Variants in HS6ST3 observed in about 807,000 individuals in gnomAD.
HS6ST3 encodes heparan sulfate 6-O-sulfotransferase 3.
A neutral mutation model predicts 36.7 loss-of-function variants in HS6ST3; 12 were observed. That is an observed-to-expected ratio of 0.33 (90% CI 0.21 to 0.53). The LOEUF (loss-of-function observed/expected upper bound fraction) is 0.53. Among genes scored for constraint, HS6ST3 ranks in the 20% least tolerant of loss-of-function variants. The probability of loss-of-function intolerance (pLI) is 0.95; values close to 1 mark genes in which losing one functional copy is unlikely to be tolerated. For missense variants in HS6ST3, 584 were observed against 640.9 expected (o/e 0.91, Z 0.96); for synonymous variants, 240 against 257.5 (o/e 0.93, Z 0.65).
At chr13:96,506,468 G>A (rs1347694739) in intron 1 of HS6ST3, among the ~76,000 whole-genome samples, 1 of 152,146 alleles carries the variant, frequency 6.6e-6, no homozygotes, top group African/African-American at 2.4e-5. Flanking sequence ...TCCCATGAAG[G>A]CTGCCTCTGC....
At chr13:96,627,267 T>C (rs777024208) in intron 1 of HS6ST3, among the ~76,000 whole-genome samples, 11 of 152,186 alleles carry the variant, frequency 7.2e-5, no homozygotes, top group Non-Finnish European at 1.6e-4. Flanking sequence ...AACCAATGCT[T>C]TTGTGCATCT....
intron 1 of HS6ST3, among the ~76,000 whole-genome samples, chr13:96,305,633 G>A (rs1423981614): frequency 6.6e-6 from 1 of 151,620 alleles, no homozygotes; most frequent in African/African-American, 2.4e-5. Flanking sequence ...TCTAATACTG[G>A]GTCTTATGTA....
At chr13:96,640,118 G>A (rs752348159) in intron 1 of HS6ST3, among the ~76,000 whole-genome samples, 3 of 151,852 alleles carry the variant, frequency 2.0e-5, no homozygotes, top group Non-Finnish European at 4.4e-5. Flanking sequence ...TGGTAGTTGT[G>A]TTTTAAGTTC....
At chr13:96,143,388 C>T (rs1163042529) in intron 1 of HS6ST3, among the ~76,000 whole-genome samples, 1 of 148,668 alleles carries the variant, frequency 6.7e-6, no homozygotes, top group East Asian at 1.9e-4. Flanking sequence ...AATATATAAA[C>T]ATAATATACT....
At chr13:96,725,077 G>C (rs1239653192) in intron 1 of HS6ST3, among the ~76,000 whole-genome samples, 1 of 152,180 alleles carries the variant, frequency 6.6e-6, no homozygotes, top group African/African-American at 2.4e-5. Flanking sequence ...CTATCTAAGA[G>C]AAGTTTAGCA....
intron 1 of HS6ST3, among the ~76,000 whole-genome samples, chr13:96,098,081 G>A (rs1462827987): frequency 6.6e-6 from 1 of 152,142 alleles, no homozygotes; most frequent in African/African-American, 2.4e-5. Context: ...TGGACTTATT[G>A]GACTTATTGG....
chr13:96,458,016 T>G (rs1199695733), intron 1 of HS6ST3, among the ~76,000 whole-genome samples: 3 of 152,138 alleles, frequency 2.0e-5, no homozygotes, highest in African/African-American at 4.8e-5. Context: ...TAGTATTGCA[T>G]GTAGTTTTAG....
At chr13:96,518,238 C>G (rs1403134401) in intron 1 of HS6ST3, among the ~76,000 whole-genome samples, 1 of 152,092 alleles carries the variant, frequency 6.6e-6, no homozygotes, top group Non-Finnish European at 1.5e-5. Context: ...CAATGAGATC[C>G]AGAACATTCT....
intron 1 of HS6ST3, among the ~76,000 whole-genome samples, chr13:96,428,773 GCA>G (rs1491042636): frequency 1.6e-3 from 248 of 152,298 alleles, no homozygotes; most frequent in African/African-American, 5.8e-3. Flanking sequence ...AACCAGGAAT[GCA>G]AGTGCTCTGC....
chr13:96,790,940 T>C (rs1418417556), intron 1 of HS6ST3, among the ~76,000 whole-genome samples: 1 of 152,078 alleles, frequency 6.6e-6, no homozygotes, highest in Non-Finnish European at 1.5e-5. Context: ...TGTAATAAAA[T>C]TCTTTAGTGT....
At chr13:96,633,165 G>A (rs2056537723) in intron 1 of HS6ST3, among the ~76,000 whole-genome samples, 2 of 152,164 alleles carry the variant, frequency 1.3e-5, no homozygotes, top group African/African-American at 2.4e-5. Flanking sequence ...GGGTGTGCAC[G>A]TCAGCAGGGA....
chr13:96,763,645 T>C (rs1824149618), intron 1 of HS6ST3, among the ~76,000 whole-genome samples: 1 of 152,136 alleles, frequency 6.6e-6, no homozygotes, highest in African/African-American at 2.4e-5. Flanking sequence ...GCTTCACTAT[T>C]AGGAGCTCAA....
chr13:96,369,666 G>A (rs2139440201), intron 1 of HS6ST3, among the ~76,000 whole-genome samples: 1 of 152,246 alleles, frequency 6.6e-6, no homozygotes, highest in Admixed American at 6.5e-5. Context: ...GGGTGAGGAT[G>A]GTAGACACCT....
At chr13:96,209,165 G>T (rs1374546573) in intron 1 of HS6ST3, among the ~76,000 whole-genome samples, 2 of 152,332 alleles carry the variant, frequency 1.3e-5, no homozygotes, top group Admixed American at 6.5e-5. Flanking sequence ...TAGATGGAAA[G>T]ATGGATTGTC....
At chr13:96,560,937 A>G (rs2056259581) in intron 1 of HS6ST3, among the ~76,000 whole-genome samples, 1 of 152,204 alleles carries the variant, frequency 6.6e-6, no homozygotes, top group Non-Finnish European at 1.5e-5. Context: ...GGAAGAACCA[A>G]TAATATCATC....
chr13:96,197,243 T>C (rs558766786), intron 1 of HS6ST3, among the ~76,000 whole-genome samples: 1 of 152,296 alleles, frequency 6.6e-6, no homozygotes, highest in South Asian at 2.1e-4. Context: ...CTCAGAATCA[T>C]AGCAGTGGCA....
chr13:96,754,459 G>A (rs901247853), intron 1 of HS6ST3, among the ~76,000 whole-genome samples: 1 of 152,132 alleles, frequency 6.6e-6, no homozygotes, highest in African/African-American at 2.4e-5. Context: ...GAGCTCACAC[G>A]CTAATTATCC....
At chr13:96,710,017 G>A (rs1875522173) in intron 1 of HS6ST3, among the ~76,000 whole-genome samples, 1 of 152,178 alleles carries the variant, frequency 6.6e-6, no homozygotes, top group Admixed American at 6.5e-5. Context: ...CTCAGTCCAT[G>A]TCCTTAACTG....
intron 1 of HS6ST3, among the ~76,000 whole-genome samples, chr13:96,370,768 C>T (rs1039857579): frequency 5.9e-5 from 9 of 151,976 alleles, no homozygotes; most frequent in Admixed American, 2.6e-4. Flanking sequence ...AAAAATTAGC[C>T]GGGTGCAGTG....
Sources: allele counts gnomAD v4.1 joint callset (sites outside exome capture counted in the v4.1 genomes callset), GRCh38; gene constraint gnomAD v4.1.1; transcripts MANE v1.5; gene names NCBI Gene and HGNC (gene_info 2026-07-23, HGNC 2026-07-21).